PHF3: variants seen among roughly 807,000 people sequenced by gnomAD.
PHF3 encodes PHD finger protein 3.
PHF3 carries 41 observed loss-of-function variants against 178.4 expected under a neutral mutation model. That is an observed-to-expected ratio of 0.23 (90% CI 0.18 to 0.30). The LOEUF is 0.30. Among genes scored for constraint, PHF3 ranks in the 10% least tolerant of loss-of-function variants. The probability of loss-of-function intolerance (pLI) is 1.00; values close to 1 mark genes in which losing one functional copy is unlikely to be tolerated. For synonymous variants in PHF3, 842 were observed against 800.5 expected, an observed-to-expected ratio of 1.05 and a Z score of -0.88; for missense variants, 2,346 against 2,398.1, an observed-to-expected ratio of 0.98 and a Z score of 0.45.
intron 1 of PHF3, among the ~76,000 whole-genome samples, chr6:63,638,231 AT>A (rs1434606228): frequency 2.0e-5 from 3 of 152,168 alleles, no homozygotes; most frequent in Non-Finnish European, 4.4e-5. Context: ...TCTTTGACTT[AT>A]GTAATGTATT....
intron 11 of PHF3, among the ~76,000 whole-genome samples, chr6:63,704,602 A>G (rs1234633296): frequency 1.3e-5 from 2 of 152,070 alleles, no homozygotes; most frequent in East Asian, 3.9e-4. Context: ...GTAGCATTGA[A>G]TAATATTCCA....
At chr6:63,643,946 T>C (rs551770426) in intron 1 of PHF3, among the ~76,000 whole-genome samples, 2 of 152,342 alleles carry the variant, frequency 1.3e-5, no homozygotes, top group East Asian at 1.9e-4. Context: ...CTAGTTAGAA[T>C]GGCCTGGTCT....
chr6:63,701,621 C>T (rs1409876205), intron 9 of PHF3, among the ~76,000 whole-genome samples: 5 of 152,140 alleles, frequency 3.3e-5, no homozygotes, highest in African/African-American at 1.2e-4. Flanking sequence ...CACTAAACCT[C>T]CATATAGACC....
chr6:63,684,702 AATT>A lies in PHF3; in HGVS notation c.983_985del (p.Leu328del), dbSNP rs1457742749. ...GAACAAGATTCAAAGGAGACAGTAA[AATT>A]ATCCCATGAAGATGACCATATTCTT... On this transcript the variant is annotated inframe_deletion, in exon 4 of 16. Transcript: ENST00000262043. 6.2e-7 allele frequency: 1 copy of A among 1,613,670 alleles called. No individual in the cohort carries two copies. Among genetic ancestry groups the A allele is most frequent in the Non-Finnish European group, 8.5e-7 (1 of 1,179,790 alleles).
chr6:63,709,662 G>A (rs1373426145), intron 14 of PHF3, among the ~76,000 whole-genome samples: 1 of 152,172 alleles, frequency 6.6e-6, no homozygotes, highest in Non-Finnish European at 1.5e-5. Context: ...TACCAAATAG[G>A]AGTAAATGAG....
chr6:63,684,725 A>C lies in PHF3; in HGVS notation c.1003A>C (p.Ile335Leu). Residue 335 changes from isoleucine to leucine, a missense_variant, in exon 4 of 16, where the codon ATT becomes CTT. Coordinates refer to ENST00000262043, the MANE Select transcript of PHF3 (RefSeq NM_001370348.2). ...TVKLSHEDDHILEDAGSSDIS... is the reference protein window; with the variant it reads ...TVKLSHEDDHLLEDAGSSDIS... The stretch of plus-strand genomic sequence containing the variant: ...AAAATTATCCCATGAAGATGACCAT[A>C]TTCTTGAGGACGCTGGATCTTCTGA... The C allele has an allele frequency of 6.2e-7, 1 of 1,613,688 alleles. No individual in the cohort carries two copies. The highest frequency in any genetic ancestry group is 8.5e-7 in the Non-Finnish European group (1 of 1,179,644).
chr6:63,645,155 G>A, intron 1 of PHF3, among the ~76,000 whole-genome samples: 1 of 152,188 alleles, frequency 6.6e-6, no homozygotes, highest in East Asian at 1.9e-4. Flanking sequence ...TAGGAATACA[G>A]GCATGAGCCA....
intron 1 of PHF3, among the ~76,000 whole-genome samples, chr6:63,642,726 A>T (rs1235577346): frequency 6.6e-6 from 1 of 152,172 alleles, no homozygotes; most frequent in Non-Finnish European, 1.5e-5. Context: ...ATGTTTTATT[A>T]AATTTAGAAT....
Position 63,711,171 on chromosome 6 carries a change from T to A in PHF3, c.3806T>A (p.Ile1269Asn). ...EKIKASGTKE[I>N]CVVRFTPVTE... The stretch of plus-strand genomic sequence containing the variant: ...ATTTGTTATTTTCTTGAACAGGAAA[T>A]TTGTGTGGTTCGCTTCACACCAGTA... Residue 1269 changes from isoleucine to asparagine, a missense_variant, in exon 15 of 16, where the codon ATT becomes AAT. Transcript: ENST00000262043. 1 of 1,584,450 alleles carries A rather than the reference T, an allele frequency of 6.3e-7. No homozygotes were observed. The highest frequency in any genetic ancestry group is 8.6e-7 in the Non-Finnish European group (1 of 1,165,298).
At chr6:63,649,526 T>C (rs1481322010) in intron 2 of PHF3, among the ~76,000 whole-genome samples, 3 of 152,208 alleles carry the variant, frequency 2.0e-5, no homozygotes, top group Non-Finnish European at 4.4e-5. Flanking sequence ...TTTTCTGTTA[T>C]GATGAACCAG....
At chr6:63,690,975 G>T (rs1328605671) in intron 4 of PHF3, among the ~76,000 whole-genome samples, 1 of 152,062 alleles carries the variant, frequency 6.6e-6, no homozygotes, top group African/African-American at 2.4e-5. Flanking sequence ...CTTTTATAAG[G>T]AGATTGGGAA....
chr6:63,654,602 A>G (rs970727963), intron 2 of PHF3, among the ~76,000 whole-genome samples: 1 of 152,192 alleles, frequency 6.6e-6, no homozygotes, highest in African/African-American at 2.4e-5. Context: ...ATGCCAAAAG[A>G]TCGAAAGAGT....
At position 63,646,663 on chromosome 6, in the gene PHF3, C is replaced by A; in HGVS notation, c.112C>A (p.Gln38Lys). The A allele has an allele frequency of 6.2e-7, 1 of 1,613,836 alleles. No homozygotes were observed. The highest frequency in any genetic ancestry group is 1.1e-5 in the South Asian group (1 of 91,046). ...NEVCEDFSAS[Q>K]NVLEDSLKNM... ...AGTCTGTGAGGATTTTAGTGCAAGTCAAAATGTCTTAGAGGACTCGCTGAA... is the reference window on the plus strand; with the variant it reads ...AGTCTGTGAGGATTTTAGTGCAAGTAAAAATGTCTTAGAGGACTCGCTGAA... The change falls in exon 2 of 16, where the codon CAA (glutamine) becomes AAA (lysine). Residue 38 changes from glutamine (Q) to lysine (K), a missense_variant. By Grantham distance (53) the Gln-to-Lys change is moderately conservative (BLOSUM62 1). Transcript: ENST00000262043.
At chr6:63,698,653 C>T in intron 8 of PHF3, 48 bp downstream of exon 8, 1 of 1,306,502 alleles carries the variant, frequency 7.7e-7, no homozygotes, top group East Asian at 2.4e-5. Context: ...TTCCTGAGTA[C>T]ATAGGTATCT....
Position 63,685,462 on chromosome 6 carries a change from A to G in PHF3, c.1740A>G (p.Leu580=). The change falls in exon 4 of 16, where the codon TTA becomes TTG. Residue 580 remains leucine, a synonymous_variant. Transcript: ENST00000262043. The stretch of plus-strand genomic sequence containing the variant: ...CTCATTCTGTACTGAAAAAAACATT[A>G]CAGGATCAAACTTTAGTACAAATTT... ...NQAHSVLKKT[L]QDQTLVQIFK... 6.2e-7 allele frequency: 1 copy of G among 1,614,070 alleles called. No homozygotes were observed. The highest frequency in any genetic ancestry group is 8.5e-7 in the Non-Finnish European group (1 of 1,179,986).
Position 63,694,717 on chromosome 6 carries a change from A to G in PHF3, c.2633A>G (p.Lys878Arg), listed in dbSNP as rs1767159704. 6.3e-7 allele frequency: 1 copy of G among 1,598,912 alleles called. No homozygotes were observed. Among genetic ancestry groups the G allele is most frequent in the Non-Finnish European group, 8.5e-7 (1 of 1,172,450 alleles). The change falls in exon 6 of 16, where the codon AAA becomes AGA. Residue 878 changes from lysine to arginine, a missense_variant. By Grantham distance (26) the Lys-to-Arg change is conservative (BLOSUM62 2). This residue lies in a region of PHF3 where 252 missense variants were observed against 232.0 expected (regional missense o/e 1.09). Transcript: ENST00000262043. ...SSEEKSEKIP[K>R]ESTTVTCTGE... Reference sequence around the variant, plus strand: ...GAAGAAAAAAGTGAAAAAATACCGAAAGAGTCTACAACTGTTACTTGCACA... The same window carrying G: ...GAAGAAAAAAGTGAAAAAATACCGAGAGAGTCTACAACTGTTACTTGCACA...
intron 2 of PHF3, among the ~76,000 whole-genome samples, chr6:63,656,655 C>T (rs1053601119): frequency 2.0e-5 from 3 of 152,182 alleles, no homozygotes; most frequent in Admixed American, 1.3e-4. Flanking sequence ...AGCTTTACTG[C>T]TCTCCTTGAT....
Position 63,713,561 on chromosome 6 carries a change from T to G in PHF3, c.5973T>G (p.Asn1991Lys). The stretch of plus-strand genomic sequence containing the variant: ...GAAAAGCAAGCAGAGATAGTAGGAA[T>G]GTAGACAAGAAGCCAGATAAACCTA... ...TDGKASRDSR[N>K]VDKKPDKPKS... The change falls in exon 16 of 16, where the codon AAT (asparagine) becomes AAG (lysine). Residue 1991 changes from asparagine (N) to lysine (K), a missense_variant. Asn to Lys is a moderately conservative substitution (Grantham distance 94, BLOSUM62 0). This residue lies in a region of PHF3 where 839 missense variants were observed against 806.9 expected (regional missense o/e 1.04). Coordinates refer to ENST00000262043, the MANE Select transcript of PHF3 (RefSeq NM_001370348.2). The G allele has an allele frequency of 6.2e-7, 1 of 1,613,322 alleles. No homozygotes were observed. The highest frequency in any genetic ancestry group is 8.5e-7 in the Non-Finnish European group (1 of 1,179,834).
At chr6:63,697,004 T>A (rs1049919473) in intron 6 of PHF3, among the ~76,000 whole-genome samples, 5 of 152,056 alleles carry the variant, frequency 3.3e-5, no homozygotes, top group African/African-American at 1.2e-4. Context: ...ATTTTTTTTT[T>A]AAAGAAGATA....
Sources: gnomAD v4.1 joint callset for allele counts (sites outside exome capture counted in the v4.1 genomes callset) on GRCh38, gnomAD v4.1.1 for gene constraint, gnomAD v4.1.1 regional missense constraint, MANE v1.5 for transcripts, NCBI Gene and HGNC (gene_info 2026-07-23, HGNC 2026-07-21) for gene names.